The following MAP2K5 variants were observed in gnomAD, a reference collection of about 807,000 sequenced individuals.
MAP2K5 encodes dual specificity mitogen-activated protein kinase kinase 5.
MAP2K5 carries 49 observed loss-of-function variants against 83.1 expected under a neutral mutation model. That is an observed-to-expected ratio of 0.59 (90% CI 0.47 to 0.75). MAP2K5 has a LOEUF of 0.75. MAP2K5 is among the 30% of genes least tolerant of loss of function. The pLI is 0.00. For missense variants in MAP2K5, 457 were observed against 557.5 expected (o/e 0.82, Z 1.82); for synonymous variants, 202 against 191.8 (o/e 1.05, Z -0.44).
chr15:67,572,015 C>T lies in MAP2K5; in HGVS notation c.252+8665C>T, dbSNP rs1343604962. Among the ~76,000 whole-genome samples the T allele has an allele frequency of 1.3e-5, 2 of 152,098 alleles. No individual in the cohort carries two copies. The highest frequency in any genetic ancestry group is 2.9e-5 in the Non-Finnish European group (2 of 68,022). On this transcript the variant is annotated intron_variant, in intron 3 of 21. Transcript: ENST00000178640. This position sits in a 1 kb window ranked among gnomAD's most constrained non-coding sequence, Gnocchi z 4.2. ...ACAAGAAAAACTCATAATTACCAAG[C>T]GGAGTGATAAATGATATAATACACC...
intron 8 of MAP2K5, among the ~76,000 whole-genome samples, chr15:67,626,580 A>G (rs1050439390): frequency 7.2e-5 from 11 of 152,160 alleles, no homozygotes; most frequent in Middle Eastern, 3.4e-3. Flanking sequence ...CCACTTATAA[A>G]ATGTGTATCA....
chr15:67,707,842 ATCAAATG>A (rs1485285047), intron 16 of MAP2K5, among the ~76,000 whole-genome samples: 1 of 152,200 alleles, frequency 6.6e-6, no homozygotes, highest in Admixed American at 6.5e-5. Flanking sequence ...TTAAGGAGAG[ATCAAATG>A]TCAAAGTATG....
rs1422583472 is a variant in MAP2K5, at chr15:67,780,691, T to A, written c.1242+7939T>A. ...TTGTTTGACCTCCTGCTAGGAGAGG[T>A]CATCTAGGTTAGAAAATTTGGTGCC... On this transcript the variant is annotated intron_variant, in intron 21 of 21. Transcript: ENST00000178640. The surrounding 1 kb of genome is among the most constrained non-coding windows in gnomAD (Gnocchi z 5.0). Among the ~76,000 whole-genome samples the A allele has an allele frequency of 6.6e-6, 1 of 152,126 alleles. No individual in the cohort carries two copies. Among genetic ancestry groups the A allele is most frequent in the Non-Finnish European group, 1.5e-5 (1 of 68,016 alleles).
chr15:67,718,705 A>G (rs1031650598), intron 16 of MAP2K5, among the ~76,000 whole-genome samples: 1 of 152,186 alleles, frequency 6.6e-6, no homozygotes, highest in African/African-American at 2.4e-5. Context: ...TGGAGGTTGC[A>G]GTGAGCCGAG....
At position 67,575,896 on chromosome 15, in the gene MAP2K5, T is replaced by TTTTC. The variant is rs1437089250; in HGVS notation, c.253-4838_253-4835dup. The stretch of plus-strand genomic sequence containing the variant: ...TCTCTGTCTCTGTTTTCTCTTCTTT[T>TTTTC]TTTCTTTCTTTCTTTCTTTCTTTTT... On this transcript the variant is annotated intron_variant, in intron 3 of 21. Coordinates refer to ENST00000178640, the MANE Select transcript of MAP2K5 (RefSeq NM_145160.3). 1.5e-4 allele frequency among the ~76,000 whole-genome samples: 10 copies of TTTTC among 68,408 alleles called. 1 individual carries two copies. Among genetic ancestry groups the TTTTC allele is most frequent in the Non-Finnish European group, 2.4e-4 (9 of 37,672 alleles). 44.9% of individuals were successfully genotyped at this position (68,408 alleles called of 152,430 possible). A position where few individuals can be genotyped will look rare whatever the true frequency, so the allele number is the denominator to read the frequency against.
rs185349703 is a variant in MAP2K5, at chr15:67,719,198, A to C, written c.1045-8718A>C. Among the ~76,000 whole-genome samples the C allele has an allele frequency of 6.0e-4, 91 of 152,260 alleles. No homozygotes were observed. The highest frequency in any genetic ancestry group is 2.0e-3 in the African/African-American group (83 of 41,542). Reference sequence around the variant, plus strand: ...TCATCTAAATTCATCATAATGGTTAAATATGTGAAAATGGTAGCTACTGAT... The same window carrying C: ...TCATCTAAATTCATCATAATGGTTACATATGTGAAAATGGTAGCTACTGAT... On this transcript the variant is annotated intron_variant, in intron 16 of 21. Coordinates refer to ENST00000178640, the MANE Select transcript of MAP2K5 (RefSeq NM_145160.3). This position sits in a 1 kb window ranked among gnomAD's most constrained non-coding sequence, Gnocchi z 4.6.
At position 67,677,398 on chromosome 15, in the gene MAP2K5, A is replaced by C. The variant is rs2087708269; in HGVS notation, c.847+12753A>C. 6.6e-6 allele frequency among the ~76,000 whole-genome samples: 1 copy of C among 152,248 alleles called. No individual in the cohort carries two copies. Among genetic ancestry groups the C allele is most frequent in the South Asian group, 2.1e-4 (1 of 4,834 alleles). On this transcript the variant is annotated intron_variant, in intron 13 of 21. Transcript: ENST00000178640. This position sits in a 1 kb window ranked among gnomAD's most constrained non-coding sequence, Gnocchi z 4.2. ...AAATGAGGTAATGCATATGATAATA[A>C]TGCACTTAGCCCAGTTCCTGGTATA...
At chr15:67,685,178 G>A (rs900769271) in intron 13 of MAP2K5, among the ~76,000 whole-genome samples, 3 of 152,150 alleles carry the variant, frequency 2.0e-5, no homozygotes, top group African/African-American at 7.2e-5. Context: ...TAACCAGTGA[G>A]TAAAAAGAAA....
At chr15:67,567,633 A>G (rs1049023642) in intron 3 of MAP2K5, among the ~76,000 whole-genome samples, 38 of 151,554 alleles carry the variant, frequency 2.5e-4, no homozygotes, top group African/African-American at 8.0e-4. Context: ...CAAAGTGCTG[A>G]GATTACAGGC....
chr15:67,679,575 C>T (rs963959489), intron 13 of MAP2K5: 3 of 152,026 alleles, frequency 2.0e-5, no homozygotes, highest in Non-Finnish European at 4.4e-5. Flanking sequence ...TAATATCTTT[C>T]TTTAAATATT....
At chr15:67,595,875 C>T (rs945298374) in intron 7 of MAP2K5, among the ~76,000 whole-genome samples, 1 of 152,110 alleles carries the variant, frequency 6.6e-6, no homozygotes, top group Non-Finnish European at 1.5e-5. Flanking sequence ...ATTTGAAACT[C>T]ATTAGAAATA....
Position 67,782,872 on chromosome 15 carries a change from C to T in MAP2K5, c.1242+10120C>T, listed in dbSNP as rs950542006. Among the ~76,000 whole-genome samples, 2 of 152,196 alleles carry T rather than the reference C, an allele frequency of 1.3e-5. No individual in the cohort carries two copies. Among genetic ancestry groups the T allele is most frequent in the African/African-American group, 2.4e-5 (1 of 41,448 alleles). On this transcript the variant is annotated intron_variant, in intron 21 of 21. Transcript: ENST00000178640. This position sits in a 1 kb window ranked among gnomAD's most constrained non-coding sequence, Gnocchi z 4.9. Reference sequence around the variant, plus strand: ...CCCGTCAGGGAGGTCAGCAGAGCTTCGGCTGGGCGCTGTCTCCTTCCTGCC... The same window carrying T: ...CCCGTCAGGGAGGTCAGCAGAGCTTTGGCTGGGCGCTGTCTCCTTCCTGCC...
chr15:67,608,924 C>T (rs2085844302), intron 8 of MAP2K5, among the ~76,000 whole-genome samples: 1 of 152,118 alleles, frequency 6.6e-6, no homozygotes, highest in African/African-American at 2.4e-5. Context: ...GGTGCCTTAC[C>T]TACTGTAGGC....
rs1184781383 is a variant in MAP2K5 at position 67,707,480 on chromosome 15, G to A, written c.1044+4072G>A. Among the ~76,000 whole-genome samples the A allele has an allele frequency of 2.0e-5, 3 of 152,164 alleles. 1 individual carries two copies. The highest frequency in any genetic ancestry group is 7.2e-5 in the African/African-American group (3 of 41,442). ...ACTCCTCTTCTGTTTATTCTCACTT[G>A]TAAAAACAAAATTCTCTTTCTAGTA... is the stretch of plus-strand genomic sequence containing the variant. On this transcript the variant is annotated intron_variant, in intron 16 of 21. Transcript: ENST00000178640.
At chr15:67,797,537 C>T (rs1216574332) in intron 21 of MAP2K5, among the ~76,000 whole-genome samples, 1 of 152,192 alleles carries the variant, frequency 6.6e-6, no homozygotes, top group African/African-American at 2.4e-5. Context: ...TAAGAATCTC[C>T]TGACTGCCAA....
At chr15:67,578,229 C>G (rs980338841) in intron 3 of MAP2K5, among the ~76,000 whole-genome samples, 7 of 152,168 alleles carry the variant, frequency 4.6e-5, no homozygotes, top group African/African-American at 1.4e-4. Flanking sequence ...CCTTGCTCAT[C>G]TCACTGAGCA....
chr15:67,667,836 A>C (rs916921415), intron 13 of MAP2K5, among the ~76,000 whole-genome samples: 7 of 152,160 alleles, frequency 4.6e-5, no homozygotes, highest in Admixed American at 1.3e-4. Flanking sequence ...TATATTACAG[A>C]ATTTATTAAA....
intron 3 of MAP2K5, among the ~76,000 whole-genome samples, chr15:67,574,511 G>A (rs1298927145): frequency 6.6e-6 from 1 of 151,774 alleles, no homozygotes; most frequent in African/African-American, 2.4e-5. Context: ...GGCGGAAGTT[G>A]TATTGAGCCA....
At position 67,690,318 on chromosome 15, in the gene MAP2K5, C is replaced by G. The variant is rs1446506418; in HGVS notation, c.848-2161C>G. Reference sequence around the variant, plus strand: ...GTGTTGTGCTAACTACTGGGGCACACTTGAAAGCACAACCCTGTTCTTAAG... The same window carrying G: ...GTGTTGTGCTAACTACTGGGGCACAGTTGAAAGCACAACCCTGTTCTTAAG... On this transcript the variant is annotated intron_variant, in intron 13 of 21. Coordinates refer to ENST00000178640, the MANE Select transcript of MAP2K5 (RefSeq NM_145160.3). The surrounding 1 kb of genome is among the most constrained non-coding windows in gnomAD (Gnocchi z 4.3). Among the ~76,000 whole-genome samples, 2 of 152,148 alleles carry G rather than the reference C, an allele frequency of 1.3e-5. No homozygotes were observed. The highest frequency in any genetic ancestry group is 2.4e-5 in the African/African-American group (1 of 41,422).
Sources: gnomAD v4.1 joint callset for allele counts (sites outside exome capture counted in the v4.1 genomes callset) on GRCh38, gnomAD v4.1.1 for gene constraint, Gnocchi (gnomAD v3.1) non-coding constraint, MANE v1.5 for transcripts, NCBI Gene and HGNC (gene_info 2026-07-23, HGNC 2026-07-21) for gene names.